The following RNF128 variants were observed in gnomAD, a reference collection of about 807,000 sequenced individuals.
The protein encoded by RNF128 is E3 ubiquitin-protein ligase RNF128.
A neutral mutation model predicts 26.2 loss-of-function variants in RNF128; 13 were observed. That is an observed-to-expected ratio of 0.50 (90% confidence interval 0.32 to 0.79). The LOEUF (loss-of-function observed/expected upper bound fraction) is 0.79. RNF128 is among the 30% of genes least tolerant of loss of function. The pLI is 0.03. For synonymous variants in RNF128, 149 were observed against 142.5 expected (o/e 1.05, Z -0.32); for missense variants, 315 against 349.7 (o/e 0.90, Z 0.79).
upstream of RNF128, among the ~76,000 whole-genome samples, chrX:106,722,243 G>A (rs770011372): frequency 9.0e-6 from 1 of 111,545 alleles, no homozygotes; most frequent in African/African-American, 3.3e-5. Flanking sequence ...GATGCTTGGT[G>A]AGGTAGTGAG....
At chrX:106,704,227 A>G (rs984090236) in intron 1 of RNF128, among the ~76,000 whole-genome samples, 2 of 109,912 alleles carry the variant, frequency 1.8e-5, no homozygotes, top group Non-Finnish European at 3.8e-5. Context: ...CGAGGTCAGG[A>G]GATCAAAACC....
intron 1 of RNF128, among the ~76,000 whole-genome samples, chrX:106,719,303 T>TC (rs1569436583): frequency 9.1e-6 from 1 of 109,545 alleles, no homozygotes; most frequent in African/African-American, 3.3e-5. Context: ...CACTTCAACC[T>TC]CCCCCACCCT....
At chrX:106,734,179 CTCTT>C (rs1929549803) in intron 1 of RNF128, among the ~76,000 whole-genome samples, 2 of 111,512 alleles carry the variant, frequency 1.8e-5, no homozygotes, top group African/African-American at 3.3e-5. Flanking sequence ...GATTGAGCCT[CTCTT>C]TCTTTAGCTA....
intron 1 of RNF128, among the ~76,000 whole-genome samples, chrX:106,714,706 C>T (rs750364745): frequency 4.5e-5 from 5 of 111,873 alleles, no homozygotes; most frequent in East Asian, 2.8e-4. Context: ...AAAGGACCTC[C>T]GCCCCGTAAC....
intron 1 of RNF128, among the ~76,000 whole-genome samples, chrX:106,711,223 G>A (rs151104140): frequency 0.014 from 1,522 of 111,821 alleles, 11 homozygotes; most frequent in Non-Finnish European, 0.019. Flanking sequence ...GGTTGGAGTG[G>A]AAATGCACTT....
At chrX:106,712,935 C>T (rs911091021) in intron 1 of RNF128, among the ~76,000 whole-genome samples, 1 of 102,625 alleles carries the variant, frequency 9.7e-6, no homozygotes. Flanking sequence ...GCTGGAAGTG[C>T]AGTGGCGCTA....
chrX:106,787,980 G>C lies in RNF128; in HGVS notation c.867G>C (p.Leu289Phe). Reference sequence around the variant, plus strand: ...TTGAATTGTATAAACCAAATGATTTGGTACGCATCTTAACGTGCAAGTAAG... The same window carrying C: ...TTGAATTGTATAAACCAAATGATTTCGTACGCATCTTAACGTGCAAGTAAG... ...VCIELYKPNDLVRILTCNHIF... is the reference protein window; with the variant it reads ...VCIELYKPNDFVRILTCNHIF... The change falls in exon 4 of 7, where the codon TTG (leucine) becomes TTC (phenylalanine). Residue 289 changes from leucine (L) to phenylalanine (F), a missense_variant. Leu to Phe is a conservative substitution (Grantham distance 22, BLOSUM62 0). Coordinates refer to ENST00000255499, the MANE Select transcript of RNF128 (RefSeq NM_194463.2). 1 of 1,166,778 alleles carries C rather than the reference G, an allele frequency of 8.6e-7. No homozygotes were observed. The highest frequency in any genetic ancestry group is 1.1e-6 in the Non-Finnish European group (1 of 872,770).
At chrX:106,739,574 A>G (rs1602374046) in intron 1 of RNF128, among the ~76,000 whole-genome samples, 1 of 111,992 alleles carries the variant, frequency 8.9e-6, no homozygotes. Flanking sequence ...CTTTTTTTGT[A>G]CTAATATGGT....
chrX:106,715,573 A>T (rs1929200797), intron 1 of RNF128, among the ~76,000 whole-genome samples: 1 of 111,773 alleles, frequency 8.9e-6, no homozygotes, highest in African/African-American at 3.3e-5. Context: ...GACTAGGAAA[A>T]TAGGACCCAG....
intron 1 of RNF128, among the ~76,000 whole-genome samples, chrX:106,758,248 C>G (rs746448404): frequency 1.3e-4 from 15 of 111,467 alleles, no homozygotes; most frequent in African/African-American, 4.6e-4. Context: ...ACAATGAAAA[C>G]TGTAAAACAA....
chrX:106,763,419 G>A (rs1300491399), intron 1 of RNF128, among the ~76,000 whole-genome samples: 1 of 112,072 alleles, frequency 8.9e-6, no homozygotes, highest in East Asian at 2.8e-4. Context: ...AACAGTGGAG[G>A]GGGAGCAGTT....
intron 1 of RNF128, chrX:106,694,498 A>T: frequency 3.1e-6 from 2 of 649,760 alleles, no homozygotes; most frequent in Non-Finnish European, 4.3e-6. Flanking sequence ...TCTGGCAACA[A>T]GGTTGTAAAA....
chrX:106,750,562 A>C (rs753129012), intron 1 of RNF128, among the ~76,000 whole-genome samples: 1 of 111,733 alleles, frequency 8.9e-6, no homozygotes, highest in African/African-American at 3.2e-5. Flanking sequence ...TCCAGTGCAT[A>C]GCCAGGATTC....
At chrX:106,740,004 A>C in intron 1 of RNF128, among the ~76,000 whole-genome samples, 1 of 111,601 alleles carries the variant, frequency 9.0e-6, no homozygotes, top group Non-Finnish European at 1.9e-5. Flanking sequence ...TTTAATGACA[A>C]ATGCAATTTC....
intron 1 of RNF128, among the ~76,000 whole-genome samples, chrX:106,731,396 T>C (rs1438193146): frequency 8.9e-6 from 1 of 112,050 alleles, no homozygotes; most frequent in Non-Finnish European, 1.9e-5. Context: ...AATAGTATGT[T>C]TGTACTACTT....
chrX:106,694,483 T>A, intron 1 of RNF128: 1 of 810,981 alleles, frequency 1.2e-6, no homozygotes, highest in Non-Finnish European at 1.7e-6. Context: ...AGAACTGGTC[T>A]AGGATCTGGC....
chrX:106,717,169 C>T (rs1431850895), intron 1 of RNF128, among the ~76,000 whole-genome samples: 4 of 107,064 alleles, frequency 3.7e-5, no homozygotes, highest in Non-Finnish European at 7.7e-5. Flanking sequence ...CCTCACTGCA[C>T]TCAAGCCTGG....
chrX:106,786,571 A>G (rs1930661957), intron 3 of RNF128, among the ~76,000 whole-genome samples: 1 of 111,502 alleles, frequency 9.0e-6, no homozygotes, highest in African/African-American at 3.2e-5. Context: ...TATAACTCCA[A>G]AAACAAGTCC....
At chrX:106,758,761 T>C (rs1190041529) in intron 1 of RNF128, among the ~76,000 whole-genome samples, 5 of 111,639 alleles carry the variant, frequency 4.5e-5, no homozygotes, top group Non-Finnish European at 7.5e-5. Context: ...CCGTATCTCC[T>C]GCCATATACA....
Sources: gnomAD v4.1 joint callset for allele counts (sites outside exome capture counted in the v4.1 genomes callset) on GRCh38, gnomAD v4.1.1 for gene constraint, MANE v1.5 for transcripts, NCBI Gene and HGNC (gene_info 2026-07-23, HGNC 2026-07-21) for gene names.